PHAX: variants seen among roughly 807,000 people sequenced by gnomAD.
The protein encoded by PHAX is phosphorylated adapter RNA export protein.
PHAX carries 31 observed loss-of-function variants against 41.6 expected under a neutral mutation model. That is an observed-to-expected ratio of 0.75 (90% CI 0.56 to 1.01). The LOEUF (loss-of-function observed/expected upper bound fraction) is 1.01. Among genes scored for constraint, PHAX ranks in the 50% least tolerant of loss-of-function variants. The pLI is 0.00. For missense variants in PHAX, 453 were observed against 472.9 expected (o/e 0.96, Z 0.39); for synonymous variants, 175 against 164.9 (o/e 1.06, Z -0.47).
chr5:126,600,987 G>T lies in PHAX; in HGVS notation c.25G>T (p.Glu9Ter). 1 of 1,604,580 alleles carries T rather than the reference G, an allele frequency of 6.2e-7. No homozygotes were observed. The highest frequency in any genetic ancestry group is 8.5e-7 in the Non-Finnish European group (1 of 1,175,676). Residue 9 changes from glutamate to a stop codon, truncating the protein, a stop_gained, in exon 1 of 5, where the codon GAA (glutamate) becomes TAA (stop). Coordinates refer to ENST00000297540, the MANE Select transcript of PHAX (RefSeq NM_032177.4). LOFTEE classifies it high-confidence loss of function. MALEVGDM[E>*]DGQLSDSDSD... ...GATGGCGTTGGAGGTCGGCGATATG[G>T]AAGATGGGCAGCTTTCCGACTCGGA...
At chr5:126,617,869 C>A (rs1223934330) in intron 4 of PHAX, among the ~76,000 whole-genome samples, 1 of 151,878 alleles carries the variant, frequency 6.6e-6, no homozygotes, top group African/African-American at 2.4e-5. Flanking sequence ...CTGCCCCAGT[C>A]TCCCAAAGTG....
chr5:126,624,935 A>C lies in PHAX; in HGVS notation c.*91A>C, dbSNP rs1752326233. On this transcript the variant is annotated 3_prime_UTR_variant, in exon 5 of 5. Transcript: ENST00000297540. ...GAGATTGCAACGTTTTGCACTGATA[A>C]ACATGAGAATCTGGAGGAAAGACAA... 1.8e-6 allele frequency: 2 copies of C among 1,127,670 alleles called. No homozygotes were observed. Among genetic ancestry groups the C allele is most frequent in the South Asian group, 3.2e-5 (2 of 62,480 alleles). The allele number at this position is 1,127,670 out of a possible 1,614,324, so 69.9% of individuals were successfully genotyped here.
At chr5:126,605,026 T>C (rs79469472) in intron 2 of PHAX, among the ~76,000 whole-genome samples, 39,682 of 150,168 alleles carry the variant, frequency 0.26, 6,459 homozygotes, top group African/African-American at 0.45. Context: ...AGAACTAGAC[T>C]CCATCTCAGA....
Position 126,624,991 on chromosome 5 carries a change from G to A in PHAX, c.*147G>A. 4 of 683,292 alleles carry A rather than the reference G, an allele frequency of 5.9e-6. No homozygotes were observed. Among genetic ancestry groups the A allele is most frequent in the South Asian group, 4.1e-5 (2 of 48,548 alleles). The allele number at this position is 683,292 out of a possible 1,614,324, so 42.3% of individuals were successfully genotyped here. The stretch of plus-strand genomic sequence containing the variant: ...TTCTTGTTTAAAATATGTGTGGAAA[G>A]GAATGCAATTGATAGAACATTTAAA... On this transcript the variant is annotated 3_prime_UTR_variant, in exon 5 of 5. Transcript: ENST00000297540.
chr5:126,622,512 C>T (rs979762005), intron 4 of PHAX, among the ~76,000 whole-genome samples: 7 of 130,276 alleles, frequency 5.4e-5, no homozygotes, highest in South Asian at 5.0e-4. Flanking sequence ...AGGCTGGTCT[C>T]GAACTCCTGA....
intron 4 of PHAX, among the ~76,000 whole-genome samples, chr5:126,620,507 C>A (rs116962781): frequency 6.6e-6 from 1 of 152,076 alleles, no homozygotes; most frequent in Non-Finnish European, 1.5e-5. Context: ...GGAGAATAAT[C>A]AAAATTATAT....
chr5:126,610,540 C>T (rs1474430479), intron 3 of PHAX, among the ~76,000 whole-genome samples: 2 of 152,172 alleles, frequency 1.3e-5, no homozygotes, highest in Non-Finnish European at 2.9e-5. Context: ...GAATGCACTG[C>T]CATCCCTATT....
Position 126,609,762 on chromosome 5 carries a change from C to T in PHAX, c.831+1278C>T, listed in dbSNP as rs188885913. Among the ~76,000 whole-genome samples the T allele has an allele frequency of 2.6e-3, 389 of 150,496 alleles. 3 individuals carry two copies. In the South Asian group the frequency reaches 0.026, roughly 10 times the overall value. Reference sequence around the variant, plus strand: ...TTTTTTGTTTGTTTGTTTTTTGAGACGGAATCTCACTCTGTCGCCCAGGCT... The same window carrying T: ...TTTTTTGTTTGTTTGTTTTTTGAGATGGAATCTCACTCTGTCGCCCAGGCT... On this transcript the variant is annotated intron_variant, in intron 3 of 4. Coordinates refer to ENST00000297540, the MANE Select transcript of PHAX (RefSeq NM_032177.4).
At chr5:126,608,119 C>A (rs1289867211) in intron 2 of PHAX, among the ~76,000 whole-genome samples, 1 of 152,142 alleles carries the variant, frequency 6.6e-6, no homozygotes, top group African/African-American at 2.4e-5. Flanking sequence ...ATTTTGAAAT[C>A]TGCTATAATC....
At chr5:126,618,065 C>T (rs746925116) in intron 4 of PHAX, among the ~76,000 whole-genome samples, 2 of 151,924 alleles carry the variant, frequency 1.3e-5, no homozygotes, top group African/African-American at 2.4e-5. Context: ...GTAGTCCTCC[C>T]ACCTCAGCCT....
intron 1 of PHAX, among the ~76,000 whole-genome samples, chr5:126,603,022 AT>A (rs1174361480): frequency 5.5e-5 from 8 of 145,216 alleles, no homozygotes; most frequent in African/African-American, 1.5e-4. Flanking sequence ...AAAAAAAAAA[AT>A]ACATGCCCAG....
chr5:126,602,731 G>A (rs1030001351), intron 1 of PHAX, among the ~76,000 whole-genome samples: 2 of 152,028 alleles, frequency 1.3e-5, no homozygotes, highest in Admixed American at 6.6e-5. Context: ...CAGGCTGGGC[G>A]CGGTGGCTCA....
At position 126,624,478 on chromosome 5, in the gene PHAX, G is replaced by T. The variant is rs1216660148; in HGVS notation, c.916-97G>T. Reference sequence around the variant, plus strand: ...GAGCCTAATAATACTTGTATTTTTTGTAAGAAATGGAGATAATGATTTTAA... The same window carrying T: ...GAGCCTAATAATACTTGTATTTTTTTTAAGAAATGGAGATAATGATTTTAA... On this transcript the variant is annotated intron_variant, in intron 4 of 4. Transcript: ENST00000297540. The T allele has an allele frequency of 5.2e-6, 5 of 963,324 alleles. No individual in the cohort carries two copies. In the African/African-American group the frequency reaches 6.6e-5, roughly 13 times the overall value. 59.7% of individuals were successfully genotyped at this position (963,324 alleles called of 1,614,324 possible).
chr5:126,613,142 C>T (rs534625067), intron 3 of PHAX, among the ~76,000 whole-genome samples: 3 of 152,010 alleles, frequency 2.0e-5, no homozygotes, highest in Admixed American at 1.3e-4. Context: ...TGAGGTCAGG[C>T]GTTCGAGACC....
rs370070252 is a variant in PHAX at position 126,603,921 on chromosome 5, G to A, written c.448G>A (p.Glu150Lys). The A allele has an allele frequency of 5.6e-6, 9 of 1,614,036 alleles. No homozygotes were observed. Among genetic ancestry groups the A allele is most frequent in the East Asian group, 4.5e-5 (2 of 44,882 alleles). The stretch of plus-strand genomic sequence containing the variant: ...CACTATTGACAGAAGCAGACAATCC[G>A]AGACCTACAATTATTTGCTTGCCAA... ...EGTIDRSRQSETYNYLLAKKL... is the reference protein window; with the variant it reads ...EGTIDRSRQSKTYNYLLAKKL... Residue 150 changes from glutamate to lysine, a missense_variant, in exon 2 of 5, where the codon GAG becomes AAG. By Grantham distance (56) the Glu-to-Lys change is moderately conservative. Transcript: ENST00000297540.
At chr5:126,620,344 A>G (rs1752250692) in intron 4 of PHAX, among the ~76,000 whole-genome samples, 1 of 152,214 alleles carries the variant, frequency 6.6e-6, no homozygotes, top group Non-Finnish European at 1.5e-5. Context: ...TACTTAAAAG[A>G]TACCTTCTAA....
At chr5:126,602,343 A>C (rs1040264917) in intron 1 of PHAX, among the ~76,000 whole-genome samples, 1 of 152,214 alleles carries the variant, frequency 6.6e-6, no homozygotes, top group Non-Finnish European at 1.5e-5. Flanking sequence ...CTGTGTTCAG[A>C]TCCTGGGGCC....
chr5:126,612,028 T>A (rs898177451), intron 3 of PHAX, among the ~76,000 whole-genome samples: 2 of 152,028 alleles, frequency 1.3e-5, no homozygotes, highest in African/African-American at 4.8e-5. Context: ...AGGCCAGAAC[T>A]AGCATGAAGT....
intron 3 of PHAX, among the ~76,000 whole-genome samples, chr5:126,610,519 A>G (rs1752077789): frequency 6.6e-6 from 1 of 152,362 alleles, no homozygotes; most frequent in Middle Eastern, 3.4e-3. Flanking sequence ...AAAAGAAATT[A>G]TAATAATCAT....
Sources: allele counts gnomAD v4.1 joint callset (sites outside exome capture counted in the v4.1 genomes callset), GRCh38; gene constraint gnomAD v4.1.1; transcripts MANE v1.5; gene names NCBI Gene and HGNC (gene_info 2026-07-23, HGNC 2026-07-21).